The following HTR1F variants were observed in gnomAD, a reference collection of about 807,000 sequenced individuals.
The protein encoded by HTR1F is 5-hydroxytryptamine receptor 1F, also known as 5-hydroxytryptamine (serotonin) receptor 1F, G protein-coupled.
A neutral mutation model predicts 24.0 loss-of-function variants in HTR1F; 17 were observed. The ratio of observed to expected loss-of-function variants is 0.71; its 90% CI spans 0.48 to 1.06. The LOEUF is 1.06. Among genes scored for constraint, HTR1F ranks in the 50% least tolerant of loss-of-function variants. The pLI is 0.00. For missense variants in HTR1F, 391 were observed against 427.8 expected, an observed-to-expected ratio of 0.91 and a Z score of 0.76; for synonymous variants, 186 against 156.8, an observed-to-expected ratio of 1.19 and a Z score of -1.39.
intron 2 of HTR1F, among the ~76,000 whole-genome samples, chr3:87,972,180 A>G (rs527463066): frequency 6.6e-6 from 1 of 152,360 alleles, no homozygotes; most frequent in Admixed American, 6.5e-5. Flanking sequence ...ATGAGGGAAG[A>G]CATATAATAA....
intron 2 of HTR1F, among the ~76,000 whole-genome samples, chr3:87,940,781 G>A (rs893446933): frequency 2.6e-5 from 4 of 152,172 alleles, no homozygotes; most frequent in African/African-American, 4.8e-5. Context: ...CAGACATATG[G>A]ACCAATGGAA....
intron 1 of HTR1F, among the ~76,000 whole-genome samples, chr3:87,819,239 T>A (rs1166169964): frequency 6.6e-6 from 1 of 152,200 alleles, no homozygotes; most frequent in African/African-American, 2.4e-5. Context: ...TTTTACCAAT[T>A]GTCACTATGA....
chr3:87,813,662 A>G (rs1175261550), intron 1 of HTR1F, among the ~76,000 whole-genome samples: 2 of 152,126 alleles, frequency 1.3e-5, no homozygotes, highest in Non-Finnish European at 2.9e-5. Flanking sequence ...TCAAATTGTA[A>G]TCTCCACGTG....
At chr3:87,935,272 G>A (rs1704384356) in intron 2 of HTR1F, among the ~76,000 whole-genome samples, 1 of 152,160 alleles carries the variant, frequency 6.6e-6, no homozygotes, top group South Asian at 2.1e-4. Flanking sequence ...GGGAGTGTGG[G>A]TAGCATGCTA....
chr3:87,939,577 G>A (rs1704510788), intron 2 of HTR1F, among the ~76,000 whole-genome samples: 1 of 152,050 alleles, frequency 6.6e-6, no homozygotes, highest in African/African-American at 2.4e-5. Context: ...TTCAGGATTC[G>A]ACTTCTTCCT....
intron 2 of HTR1F, among the ~76,000 whole-genome samples, chr3:87,828,690 A>C (rs1487164854): frequency 1.3e-5 from 2 of 152,230 alleles, no homozygotes; most frequent in East Asian, 3.8e-4. Flanking sequence ...TGAACATTTT[A>C]AATGACATAT....
intron 2 of HTR1F, among the ~76,000 whole-genome samples, chr3:87,851,041 A>C (rs1001043476): frequency 1.3e-5 from 2 of 151,748 alleles, no homozygotes; most frequent in African/African-American, 4.9e-5. Flanking sequence ...ATGCAGAGTT[A>C]ACCATTGCTA....
chr3:87,800,859 T>C (rs893275471), intron 1 of HTR1F, among the ~76,000 whole-genome samples: 5 of 152,202 alleles, frequency 3.3e-5, no homozygotes. Flanking sequence ...TTCATAAAAT[T>C]AAAAGACAAA....
intron 2 of HTR1F, among the ~76,000 whole-genome samples, chr3:87,972,928 TG>T (rs1705316017): frequency 6.6e-6 from 1 of 151,326 alleles, no homozygotes; most frequent in South Asian, 2.1e-4. Flanking sequence ...CCCAGCACTT[TG>T]GGAGGCCGAG....
chr3:87,824,718 T>C (rs902624377), intron 2 of HTR1F, among the ~76,000 whole-genome samples: 12 of 152,206 alleles, frequency 7.9e-5, no homozygotes, highest in African/African-American at 2.7e-4. Flanking sequence ...TGTGTATAGG[T>C]GTGCTTTCAT....
At chr3:87,933,051 A>G (rs567300315) in intron 2 of HTR1F, among the ~76,000 whole-genome samples, 2 of 149,904 alleles carry the variant, frequency 1.3e-5, no homozygotes, top group African/African-American at 2.5e-5. Context: ...GGTTCAATAT[A>G]TGCAAATCAA....
At chr3:87,989,653 TA>T (rs1465610728) in intron 2 of HTR1F, among the ~76,000 whole-genome samples, 1 of 152,214 alleles carries the variant, frequency 6.6e-6, no homozygotes, top group East Asian at 1.9e-4. Context: ...GTTCTCAATG[TA>T]ACTTTCAATT....
chr3:87,800,862 A>G (rs1703979798), intron 1 of HTR1F, among the ~76,000 whole-genome samples: 1 of 152,212 alleles, frequency 6.6e-6, no homozygotes, highest in Admixed American at 6.5e-5. Context: ...ATAAAATTAA[A>G]AGACAAAATA....
At chr3:87,903,511 A>C (rs1323683244) in intron 2 of HTR1F, among the ~76,000 whole-genome samples, 4 of 151,258 alleles carry the variant, frequency 2.6e-5, no homozygotes, top group Non-Finnish European at 4.4e-5. Flanking sequence ...GCAGCCAAAA[A>C]ACACATGAAA....
intron 2 of HTR1F, among the ~76,000 whole-genome samples, chr3:87,983,259 A>G (rs1705591457): frequency 6.6e-6 from 1 of 152,184 alleles, no homozygotes; most frequent in Non-Finnish European, 1.5e-5. Flanking sequence ...TCCAGCAGGC[A>G]GTGATTTAAA....
At chr3:87,793,006 T>C (rs574464912) in intron 1 of HTR1F, among the ~76,000 whole-genome samples, 164 bp downstream of exon 1, 2 of 152,342 alleles carry the variant, frequency 1.3e-5, no homozygotes, top group East Asian at 3.9e-4. Flanking sequence ...CACACTACTT[T>C]GATCTAACAG....
rs1295360262 is a variant in HTR1F, at chr3:87,992,953, A to G, written c.*1103A>G. ...CTAATTAATAAATGTACACACATAT[A>G]TATTTTTGTAATTAGTCACTCTACT... On this transcript the variant is annotated 3_prime_UTR_variant, in exon 3 of 3. Coordinates refer to ENST00000319595, the MANE Select transcript of HTR1F (RefSeq NM_001322209.2). 6.0e-6 allele frequency: 1 copy of G among 166,918 alleles called. No individual in the cohort carries two copies. Among genetic ancestry groups the G allele is most frequent in the Non-Finnish European group, 1.5e-5 (1 of 68,088 alleles). The allele number at this position is 166,918 out of a possible 1,614,324, so 10.3% of individuals were successfully genotyped here.
At chr3:87,932,071 G>C (rs1487464190) in intron 2 of HTR1F, among the ~76,000 whole-genome samples, 4 of 151,986 alleles carry the variant, frequency 2.6e-5, no homozygotes, top group African/African-American at 9.7e-5. Flanking sequence ...TGTCAGTTTT[G>C]GCTTTTGTTG....
Position 87,865,351 on chromosome 3 carries a change from C to A in HTR1F, c.-43+43227C>A, listed in dbSNP as rs183838271. Among the ~76,000 whole-genome samples, 222 of 152,088 alleles carry A rather than the reference C, an allele frequency of 1.5e-3. 1 individual carries two copies. The highest frequency in any genetic ancestry group is 5.1e-3 in the African/African-American group (213 of 41,504). ...TATATTATTAAAAATGCACAGATAA[C>A]AAGTGTACCACTTGATGAATTTTTC... On this transcript the variant is annotated intron_variant, in intron 2 of 2. Coordinates refer to ENST00000319595, the MANE Select transcript of HTR1F (RefSeq NM_001322209.2).
Sources: gnomAD v4.1 joint callset for allele counts (sites outside exome capture counted in the v4.1 genomes callset) on GRCh38, gnomAD v4.1.1 for gene constraint, MANE v1.5 for transcripts, NCBI Gene and HGNC (gene_info 2026-07-23, HGNC 2026-07-21) for gene names.